RPL22: variants seen among roughly 807,000 people sequenced by gnomAD.
RPL22 encodes the protein large ribosomal subunit protein eL22.
RPL22 carries 4 observed loss-of-function variants against 16.2 expected under a neutral mutation model. The ratio of observed to expected loss-of-function variants is 0.25; its 90% CI spans 0.12 to 0.57. The LOEUF is 0.57. RPL22 is among the 20% of genes least tolerant of loss of function. The pLI is 0.92. For synonymous variants in RPL22, 43 were observed against 54.8 expected, an observed-to-expected ratio of 0.78 and a Z score of 0.95; for missense variants, 83 against 156.1, an observed-to-expected ratio of 0.53 and a Z score of 2.49.
chr1:6,199,552 C>T lies in RPL22; in HGVS notation c.12+10G>A. ...CCTGGAGCCGAGGCCTCACGCGGAG[C>T]CATACTAACCACAGGAGCCATGGCG... On this transcript the variant is annotated intron_variant, in intron 1 of 3. Transcript: ENST00000234875. 3 of 1,562,922 alleles carry T rather than the reference C, an allele frequency of 1.9e-6. No homozygotes were observed. The highest frequency in any genetic ancestry group is 2.4e-5 in the East Asian group (1 of 41,800).
chr1:6,188,854 C>T (rs768886700), intron 3 of RPL22, among the ~76,000 whole-genome samples: 7 of 151,640 alleles, frequency 4.6e-5, no homozygotes, highest in African/African-American at 7.3e-5. Flanking sequence ...GCACGATCTC[C>T]GGCTCACCTC....
In RPL22 at chr1:6,186,052, C is replaced by T. The variant is rs1667578284; in HGVS notation, c.*620G>A. ...TTACTTACACGTTCATTTCTGTACA[C>T]ATTTAGTTAATTTAGAACCTGGGAC... is the stretch of plus-strand genomic sequence containing the variant. On this transcript the variant is annotated 3_prime_UTR_variant, in exon 4 of 4. Transcript: ENST00000234875. The T allele has an allele frequency of 4.3e-6, 1 of 231,286 alleles. No homozygotes were observed. Among genetic ancestry groups the T allele is most frequent in the Admixed American group, 5.6e-5 (1 of 17,722 alleles). 14.3% of individuals were successfully genotyped at this position (231,286 alleles called of 1,614,324 possible).
intron 3 of RPL22, among the ~76,000 whole-genome samples, chr1:6,189,690 C>G (rs956610566): frequency 4.0e-5 from 6 of 150,746 alleles, no homozygotes; most frequent in African/African-American, 1.5e-4. Context: ...GAGGCCGAGG[C>G]GGGTGGATCA....
intron 2 of RPL22, among the ~76,000 whole-genome samples, chr1:6,196,715 A>G (rs1571188711): frequency 6.6e-6 from 1 of 152,214 alleles, no homozygotes; most frequent in East Asian, 1.9e-4. Context: ...AGATTGCAAT[A>G]GGATAGAGGA....
chr1:6,186,657 C>T lies in RPL22; in HGVS notation c.*15G>A. The stretch of plus-strand genomic sequence containing the variant: ...TATTCAAGAACTCATACAAAATTTT[C>T]CAGATAAATGAAATTTAATCCTCGT... On this transcript the variant is annotated 3_prime_UTR_variant, in exon 4 of 4. Coordinates refer to ENST00000234875, the MANE Select transcript of RPL22 (RefSeq NM_000983.4). 6.7e-7 allele frequency: 1 copy of T among 1,497,482 alleles called. No individual in the cohort carries two copies. The highest frequency in any genetic ancestry group is 9.0e-7 in the Non-Finnish European group (1 of 1,109,586). The allele number at this position is 1,497,482 out of a possible 1,614,324, so 92.8% of individuals were successfully genotyped here. A position where few individuals can be genotyped will look rare whatever the true frequency, so the allele number is the denominator to read the frequency against.
intron 1 of RPL22, chr1:6,198,981 C>CAACAT (rs1667756877): frequency 4.6e-5 from 7 of 152,390 alleles, no homozygotes; most frequent in African/African-American, 1.2e-4. Context: ...AGCCCAGTCC[C>CAACAT]AGCATAGCTA....
intron 3 of RPL22, among the ~76,000 whole-genome samples, chr1:6,189,787 G>A (rs571375720): frequency 6.6e-6 from 1 of 152,228 alleles, no homozygotes; most frequent in South Asian, 2.1e-4. Flanking sequence ...CGGGCGTGGT[G>A]GCAGGCGCCT....
intron 2 of RPL22, 65 bp from the exon 3 acceptor site, chr1:6,193,119 C>T: frequency 6.3e-7 from 1 of 1,586,580 alleles, no homozygotes; most frequent in Non-Finnish European, 8.6e-7. Context: ...AATATTTTAT[C>T]TGTCTCCCAA....
At position 6,197,671 on chromosome 1, in the gene RPL22, A is replaced by C; in HGVS notation, c.98T>G (p.Ile33Ser). 1 of 1,613,156 alleles carries C rather than the reference A, an allele frequency of 6.2e-7. No individual in the cohort carries two copies. Among genetic ancestry groups the C allele is most frequent in the Non-Finnish European group, 8.5e-7 (1 of 1,179,384 alleles). ...LDCTHPVEDG[I>S]MDAANFEQFL... Reference sequence around the variant, plus strand: ...ACTTACAAAATTGGCAGCATCCATGATTCCATCTTCTACAGGGTGGGTGCA... The same window carrying C: ...ACTTACAAAATTGGCAGCATCCATGCTTCCATCTTCTACAGGGTGGGTGCA... Residue 33 changes from isoleucine (I) to serine (S), a missense_variant, in exon 2 of 4, where the codon ATC becomes AGC. Ile to Ser is a moderately radical substitution (Grantham distance 142). Transcript: ENST00000234875.
intron 1 of RPL22, chr1:6,198,866 G>C (rs972114787): frequency 1.8e-4 from 28 of 152,224 alleles, no homozygotes; most frequent in African/African-American, 6.8e-4. Context: ...AGAAGAACCG[G>C]AAATGTTAAC....
At chr1:6,198,796 A>G (rs1454166930) in intron 1 of RPL22, 2 of 152,252 alleles carry the variant, frequency 1.3e-5, no homozygotes, top group Non-Finnish European at 2.9e-5. Flanking sequence ...CGGGCTTGAT[A>G]CTTCTCCATC....
chr1:6,194,597 T>C lies in RPL22; in HGVS notation c.118-1543A>G, dbSNP rs183484131. On this transcript the variant is annotated intron_variant, in intron 2 of 3. Coordinates refer to ENST00000234875, the MANE Select transcript of RPL22 (RefSeq NM_000983.4). ...TGTTTAAAAACTCCAATACAAAATA[T>C]GTTAACTGGCTGGGTGCAGTAGCTC... is the stretch of plus-strand genomic sequence containing the variant. 8.5e-5 allele frequency among the ~76,000 whole-genome samples: 13 copies of C among 152,292 alleles called. No homozygotes were observed. In the East Asian group the frequency reaches 2.5e-3, roughly 29 times the overall value.
intron 2 of RPL22, 121 bp from the exon 3 acceptor site, chr1:6,193,175 T>C: frequency 8.3e-7 from 1 of 1,206,498 alleles, no homozygotes; most frequent in Non-Finnish European, 1.2e-6. Flanking sequence ...AGACAGAGTC[T>C]CACCAGCGCA....
chr1:6,191,675 CAA>C (rs532667006), intron 3 of RPL22, among the ~76,000 whole-genome samples: 52 of 69,820 alleles, frequency 7.4e-4, no homozygotes, highest in Admixed American at 6.4e-4. Flanking sequence ...ACTCTGTCTC[CAA>C]AAAAAAAAAA....
At chr1:6,191,675 CA>C (rs532667006) in intron 3 of RPL22, among the ~76,000 whole-genome samples, 328 of 69,866 alleles carry the variant, frequency 4.7e-3, no homozygotes, top group Middle Eastern at 0.02. Context: ...ACTCTGTCTC[CA>C]AAAAAAAAAA....
intron 1 of RPL22, chr1:6,198,691 T>G (rs1224351912): frequency 1.3e-5 from 2 of 152,274 alleles, no homozygotes; most frequent in Non-Finnish European, 2.9e-5. Context: ...ATCACTGATT[T>G]ATTTTTTACA....
At chr1:6,194,467 C>T (rs1287375175) in intron 2 of RPL22, among the ~76,000 whole-genome samples, 1 of 152,216 alleles carries the variant, frequency 6.6e-6, no homozygotes, top group Non-Finnish European at 1.5e-5. Context: ...AGACATTCAC[C>T]TCCTTGTGCT....
chr1:6,197,540 G>C (rs1221857194), intron 2 of RPL22, 112 bp downstream of exon 2: 3 of 680,628 alleles, frequency 4.4e-6, no homozygotes, highest in Non-Finnish European at 7.9e-6. Flanking sequence ...GATACAGCCA[G>C]ACCTGTGAAG....
rs145325545 is a variant in RPL22, at chr1:6,190,294, T to C, written c.242+2636A>G. 5.6e-4 allele frequency among the ~76,000 whole-genome samples: 86 copies of C among 152,342 alleles called. 3 individuals carry two copies. Among genetic ancestry groups the C allele is most frequent in the Admixed American group, 4.9e-3 (75 of 15,298 alleles). The stretch of plus-strand genomic sequence containing the variant: ...CTTCAAAGTCTCTTCTTCACGGACA[T>C]AGCTAAACATAAAAGCATTAACTAC... On this transcript the variant is annotated intron_variant, in intron 3 of 3. Coordinates refer to ENST00000234875, the MANE Select transcript of RPL22 (RefSeq NM_000983.4).
Sources: gnomAD v4.1 joint callset for allele counts (sites outside exome capture counted in the v4.1 genomes callset) on GRCh38, gnomAD v4.1.1 for gene constraint, MANE v1.5 for transcripts, NCBI Gene and HGNC (gene_info 2026-07-23, HGNC 2026-07-21) for gene names.